PIEZO2: variants seen among roughly 807,000 people sequenced by gnomAD.
The protein encoded by PIEZO2 is piezo type mechanosensitive ion channel component 2.
A neutral mutation model predicts 337.3 loss-of-function variants in PIEZO2; 172 were observed. That is an observed-to-expected ratio of 0.51 (90% confidence interval 0.45 to 0.58). The LOEUF is 0.58. PIEZO2 is among the 20% of genes least tolerant of loss of function. The probability of loss-of-function intolerance (pLI) is 0.00; values close to 1 mark genes in which losing one functional copy is unlikely to be tolerated. For missense variants in PIEZO2, 3,028 were observed against 3,391.3 expected (o/e 0.89, Z 2.66); for synonymous variants, 1,251 against 1,228.5 (o/e 1.02, Z -0.38).
intron 4 of PIEZO2, among the ~76,000 whole-genome samples, chr18:10,902,175 AAC>A (rs1568181222): frequency 1.3e-5 from 2 of 152,210 alleles, no homozygotes; most frequent in South Asian, 2.1e-4. Flanking sequence ...TCTGAGGTGG[AAC>A]AGTTTCCTTG....
rs1010496474 is a variant in PIEZO2 at position 10,766,518 on chromosome 18, G to C, written c.2947-3420C>G. 6.6e-6 allele frequency among the ~76,000 whole-genome samples: 1 copy of C among 152,166 alleles called. No individual in the cohort carries two copies. The highest frequency in any genetic ancestry group is 1.5e-5 in the Non-Finnish European group (1 of 68,018). ...TTTCCCAAAAAAGCCCTGTACACAG[G>C]TTGTCATCCTATCTGAATATAACCT... On this transcript the variant is annotated intron_variant, in intron 21 of 55. Coordinates refer to ENST00000674853, the MANE Select transcript of PIEZO2 (RefSeq NM_001378183.1). The surrounding 1 kb of genome is among the most constrained non-coding windows in gnomAD (Gnocchi z 6.1).
At chr18:10,717,286 G>A (rs955970935) in intron 37 of PIEZO2, among the ~76,000 whole-genome samples, 6 of 152,228 alleles carry the variant, frequency 3.9e-5, no homozygotes, top group Non-Finnish European at 8.8e-5. Flanking sequence ...CAATAAGAGT[G>A]TCCAGGTCCA....
At chr18:10,971,540 T>C (rs1356259075) in intron 3 of PIEZO2, among the ~76,000 whole-genome samples, 4 of 152,054 alleles carry the variant, frequency 2.6e-5, no homozygotes, top group African/African-American at 9.7e-5. Context: ...TCCCCAATGA[T>C]GAATGCACAC....
At chr18:10,959,978 C>T (rs756459792) in intron 3 of PIEZO2, among the ~76,000 whole-genome samples, 5 of 152,070 alleles carry the variant, frequency 3.3e-5, no homozygotes, top group Non-Finnish European at 7.4e-5. Context: ...TTCCTACTGT[C>T]AGGGAACCTT....
intron 48 of PIEZO2, 84 bp downstream of exon 48, chr18:10,691,141 C>A: frequency 6.9e-7 from 1 of 1,447,376 alleles, no homozygotes; most frequent in Non-Finnish European, 9.5e-7. Flanking sequence ...ATCCTCTCCC[C>A]CTTACTTCCC....
intron 3 of PIEZO2, among the ~76,000 whole-genome samples, chr18:10,933,498 A>G (rs1411793744): frequency 6.6e-6 from 1 of 152,188 alleles, no homozygotes; most frequent in Non-Finnish European, 1.5e-5. Flanking sequence ...ACTGTGGTGC[A>G]TGCTACACAG....
chr18:11,068,780 T>A, intron 1 of PIEZO2, among the ~76,000 whole-genome samples: 1 of 151,774 alleles, frequency 6.6e-6, no homozygotes, highest in Non-Finnish European at 1.5e-5. Context: ...TCCACAAACC[T>A]CAGACTCAGA....
chr18:11,119,487 ACAT>A (rs1490568413), intron 1 of PIEZO2, among the ~76,000 whole-genome samples: 4 of 152,212 alleles, frequency 2.6e-5, no homozygotes, highest in Non-Finnish European at 5.9e-5. Flanking sequence ...CTTAATTAAA[ACAT>A]CATCAATTGA....
rs1484119146 is a variant in PIEZO2 at position 10,783,257 on chromosome 18, C to T, written c.2492+1527G>A. On this transcript the variant is annotated intron_variant, in intron 17 of 55. Coordinates refer to ENST00000674853, the MANE Select transcript of PIEZO2 (RefSeq NM_001378183.1). The surrounding 1 kb of genome is among the most constrained non-coding windows in gnomAD (Gnocchi z 4.3). ...TACTTTGTAATTATTGAATAGGGCCCTTGAAAAGAATGGTGAGGGCTTATA... is the reference window on the plus strand; with the variant it reads ...TACTTTGTAATTATTGAATAGGGCCTTTGAAAAGAATGGTGAGGGCTTATA... 6.6e-6 allele frequency among the ~76,000 whole-genome samples: 1 copy of T among 151,976 alleles called. No homozygotes were observed. Among genetic ancestry groups the T allele is most frequent in the Non-Finnish European group, 1.5e-5 (1 of 68,010 alleles).
Position 10,845,790 on chromosome 18 carries a change from T to C in PIEZO2, c.917+9563A>G, listed in dbSNP as rs538096107. On this transcript the variant is annotated intron_variant, in intron 7 of 55. Transcript: ENST00000674853. ...GTCTTCAAAAGTTAAAGCTACTGAC[T>C]ACTTTAGGCATGTTTATTTTAAGCA... 3.9e-5 allele frequency among the ~76,000 whole-genome samples: 6 copies of C among 152,344 alleles called. No homozygotes were observed. The South Asian group carries it at 1.2e-3, about 32-fold the overall frequency.
At chr18:10,683,418 G>A (rs2034365919) in intron 49 of PIEZO2, among the ~76,000 whole-genome samples, 1 of 152,194 alleles carries the variant, frequency 6.6e-6, no homozygotes, top group Admixed American at 6.5e-5. Context: ...TGTGCATAAG[G>A]CAATGCACCC....
intron 33 of PIEZO2, among the ~76,000 whole-genome samples, chr18:10,737,038 T>C (rs1334510404): frequency 2.0e-5 from 3 of 152,152 alleles, no homozygotes; most frequent in Non-Finnish European, 1.5e-5. Flanking sequence ...GCCAGTTTTG[T>C]TATCTAGATG....
rs757019574 is a variant in PIEZO2 at position 11,078,587 on chromosome 18, A to G, written c.65-12365T>C. On this transcript the variant is annotated intron_variant, in intron 1 of 55. Transcript: ENST00000674853. This position sits in a 1 kb window ranked among gnomAD's most constrained non-coding sequence, Gnocchi z 5.3. ...TATGGAACTATCGCTTTTGCTTTCA[A>G]ATATTTCTGTTGCTAGAGAAGTAGA... Among the ~76,000 whole-genome samples, 2 of 152,178 alleles carry G rather than the reference A, an allele frequency of 1.3e-5. No homozygotes were observed. The highest frequency in any genetic ancestry group is 2.9e-5 in the Non-Finnish European group (2 of 68,020).
At position 10,672,584 on chromosome 18, in the gene PIEZO2, G is replaced by T; in HGVS notation, c.8345+106C>A. The stretch of plus-strand genomic sequence containing the variant: ...AGGATGTGTGCATTTTAATACTGCA[G>T]CTCTAAAATTAGCGAATTCTAAGAA... On this transcript the variant is annotated intron_variant, in intron 55 of 55. Coordinates refer to ENST00000674853, the MANE Select transcript of PIEZO2 (RefSeq NM_001378183.1). The surrounding 1 kb of genome is among the most constrained non-coding windows in gnomAD (Gnocchi z 4.7). 8.1e-7 allele frequency: 1 copy of T among 1,228,034 alleles called. No individual in the cohort carries two copies. The highest frequency in any genetic ancestry group is 1.2e-6 in the Non-Finnish European group (1 of 869,102). 76.1% of individuals were successfully genotyped at this position (1,228,034 alleles called of 1,614,324 possible).
At position 11,148,631 on chromosome 18, in the gene PIEZO2, G is replaced by A; in HGVS notation, c.-43C>T. The A allele has an allele frequency of 1.3e-6, 2 of 1,532,340 alleles. No individual in the cohort carries two copies. Among genetic ancestry groups the A allele is most frequent in the Non-Finnish European group, 8.7e-7 (1 of 1,143,060 alleles). The allele number at this position is 1,532,340 out of a possible 1,614,324, so 94.9% of individuals were successfully genotyped here. A position where few individuals can be genotyped will look rare whatever the true frequency, so the allele number is the denominator to read the frequency against. On this transcript the variant is annotated 5_prime_UTR_variant, in exon 1 of 56. Transcript: ENST00000674853. The surrounding 1 kb of genome is among the most constrained non-coding windows in gnomAD (Gnocchi z 5.2). ...TCGGAGCAGAGGGGCGAGGCTCGAG[G>A]GTCCCTAGGGGTGGTGGGACGCAAG... is the stretch of plus-strand genomic sequence containing the variant.
intron 13 of PIEZO2, among the ~76,000 whole-genome samples, chr18:10,793,028 G>A (rs1472278744): frequency 6.6e-6 from 1 of 152,174 alleles, no homozygotes; most frequent in East Asian, 1.9e-4. Context: ...GGCCGAGGCA[G>A]GTGGATCATG....
At position 10,676,808 on chromosome 18, in the gene PIEZO2, C is replaced by T. The variant is rs2034026203; in HGVS notation, c.8081+939G>A. Among the ~76,000 whole-genome samples the T allele has an allele frequency of 6.6e-6, 1 of 152,234 alleles. No homozygotes were observed. The highest frequency in any genetic ancestry group is 1.5e-5 in the Non-Finnish European group (1 of 68,042). The stretch of plus-strand genomic sequence containing the variant: ...AGGGTGAACGAGTGAAGTGGGTACC[C>T]ACGATCGGGTGGCAGACATGAATGA... On this transcript the variant is annotated intron_variant, in intron 53 of 55. Coordinates refer to ENST00000674853, the MANE Select transcript of PIEZO2 (RefSeq NM_001378183.1). This position sits in a 1 kb window ranked among gnomAD's most constrained non-coding sequence, Gnocchi z 5.1.
intron 7 of PIEZO2, among the ~76,000 whole-genome samples, chr18:10,839,731 C>G (rs80170860): frequency 0.058 from 8,846 of 152,232 alleles, 361 homozygotes; most frequent in Non-Finnish European, 0.084. Flanking sequence ...TAATCTATAG[C>G]AAGGACACTA....
At chr18:10,709,222 T>G (rs2035716786) in intron 39 of PIEZO2, 1 of 152,222 alleles carries the variant, frequency 6.6e-6, no homozygotes, top group African/African-American at 2.4e-5. Context: ...ACCCACTGCC[T>G]AAAGCCCTCA....
Sources: allele counts gnomAD v4.1 joint callset (sites outside exome capture counted in the v4.1 genomes callset), GRCh38; gene constraint gnomAD v4.1.1; non-coding constraint Gnocchi (gnomAD v3.1); transcripts MANE v1.5; gene names NCBI Gene and HGNC (gene_info 2026-07-23, HGNC 2026-07-21).